The following TMEM178B variants were observed in gnomAD, a reference collection of about 807,000 sequenced individuals.
TMEM178B encodes transmembrane protein 178B.
Under a neutral mutation model 31.0 loss-of-function variants are expected in TMEM178B, and 5 were observed. The ratio of observed to expected loss-of-function variants is 0.16; its 90% CI spans 0.08 to 0.34. The LOEUF is 0.34. Among genes scored for constraint, TMEM178B ranks in the 10% least tolerant of loss-of-function variants. The pLI, the probability that TMEM178B is intolerant of heterozygous loss-of-function variation, is 1.00. For synonymous variants in TMEM178B, 164 were observed against 164.0 expected, an observed-to-expected ratio of 1.00 and a Z score of 0.00; for missense variants, 275 against 400.3, an observed-to-expected ratio of 0.69 and a Z score of 2.67.
intron 2 of TMEM178B, among the ~76,000 whole-genome samples, chr7:141,366,320 A>G (rs1800003959): frequency 6.6e-6 from 1 of 152,124 alleles, no homozygotes; most frequent in South Asian, 2.1e-4. Flanking sequence ...CTCGAAAGGG[A>G]AATGAATGTT....
At chr7:141,455,470 C>A (rs1203876752) in intron 3 of TMEM178B, among the ~76,000 whole-genome samples, 1 of 152,160 alleles carries the variant, frequency 6.6e-6, no homozygotes, top group African/African-American at 2.4e-5. Flanking sequence ...AATTTCAGTG[C>A]AACTGGAGAG....
intron 3 of TMEM178B, among the ~76,000 whole-genome samples, chr7:141,468,418 C>T (rs561316371): frequency 2.6e-5 from 4 of 152,316 alleles, no homozygotes; most frequent in African/African-American, 4.8e-5. Flanking sequence ...AAGTGACCCA[C>T]TTTGCCTGGC....
At chr7:141,077,832 C>T in intron 1 of TMEM178B, among the ~76,000 whole-genome samples, 1 of 152,122 alleles carries the variant, frequency 6.6e-6, no homozygotes, top group East Asian at 1.9e-4. Flanking sequence ...GCTGTCAGGC[C>T]AGGTCAATAT....
chr7:141,255,715 T>A (rs1037741749), intron 2 of TMEM178B, among the ~76,000 whole-genome samples: 3 of 152,112 alleles, frequency 2.0e-5, no homozygotes, highest in South Asian at 2.1e-4. Context: ...CTGGATATTG[T>A]CCCCGACCCC....
intron 2 of TMEM178B, among the ~76,000 whole-genome samples, chr7:141,339,381 C>T (rs947421087): frequency 2.0e-5 from 3 of 152,136 alleles, no homozygotes; most frequent in Admixed American, 6.5e-5. Flanking sequence ...GCATGTGGAG[C>T]TCAGCAGTTG....
chr7:141,241,940 G>A (rs1797629969), intron 2 of TMEM178B, among the ~76,000 whole-genome samples: 2 of 152,124 alleles, frequency 1.3e-5, no homozygotes, highest in Middle Eastern at 3.4e-3. Flanking sequence ...AAAATCTGGT[G>A]TACTTAAAAC....
rs1484232058 is a variant in TMEM178B, at chr7:141,344,572, C to CAT, written c.497-93036_497-93035insAT. 5.7e-5 allele frequency among the ~76,000 whole-genome samples: 8 copies of CAT among 139,136 alleles called. No individual in the cohort carries two copies. The highest frequency in any genetic ancestry group is 4.8e-4 in the South Asian group (2 of 4,180). 91.3% of individuals were successfully genotyped at this position (139,136 alleles called of 152,430 possible). On this transcript the variant is annotated intron_variant, in intron 2 of 3. Coordinates refer to ENST00000565468, the MANE Select transcript of TMEM178B (RefSeq NM_001195278.2). This position sits in a 1 kb window ranked among gnomAD's most constrained non-coding sequence, Gnocchi z 4.1. ...CCCTCCCTCCCTCCATTCCTCCCTC[C>CAT]TCCCTTCCTTCCTTCCTTCCTTCCT...
the TMEM178B span, among the ~76,000 whole-genome samples, chr7:141,489,612 C>T: frequency 6.6e-6 from 1 of 152,024 alleles, no homozygotes; most frequent in African/African-American, 2.4e-5. Context: ...TCATTCTCTC[C>T]CCAGTCCCTT....
At chr7:141,499,266 A>G in the TMEM178B span, among the ~76,000 whole-genome samples, 1 of 152,122 alleles carries the variant, frequency 6.6e-6, no homozygotes, top group East Asian at 1.9e-4. Flanking sequence ...TGATTACCCA[A>G]TATGAAGGGG....
intron 2 of TMEM178B, among the ~76,000 whole-genome samples, chr7:141,324,231 A>T (rs1456530699): frequency 6.6e-6 from 1 of 152,092 alleles, no homozygotes; most frequent in Non-Finnish European, 1.5e-5. Context: ...GCCTGAAGAC[A>T]GGGCAAACTC....
At chr7:141,312,227 A>G (rs371539549) in intron 2 of TMEM178B, among the ~76,000 whole-genome samples, 2 of 152,242 alleles carry the variant, frequency 1.3e-5, no homozygotes, top group African/African-American at 2.4e-5. Flanking sequence ...CTCAGATTCA[A>G]CATGGTCTGA....
intron 2 of TMEM178B, among the ~76,000 whole-genome samples, chr7:141,286,231 A>G (rs1012452898): frequency 6.6e-6 from 1 of 152,212 alleles, no homozygotes; most frequent in African/African-American, 2.4e-5. Context: ...TTTTTACTTT[A>G]TACTCCTAAA....
chr7:141,283,898 G>C (rs953747233), intron 2 of TMEM178B, among the ~76,000 whole-genome samples: 1 of 152,206 alleles, frequency 6.6e-6, no homozygotes, highest in African/African-American at 2.4e-5. Flanking sequence ...AGCTGAGAGG[G>C]ACCTGGCAGC....
chr7:141,125,848 G>A (rs996996712), intron 1 of TMEM178B, among the ~76,000 whole-genome samples: 3 of 152,212 alleles, frequency 2.0e-5, no homozygotes, highest in East Asian at 1.9e-4. Context: ...GGTACTGGAA[G>A]TGCAGGAAAT....
chr7:141,367,987 G>C (rs1563163515), intron 2 of TMEM178B, among the ~76,000 whole-genome samples: 1 of 152,198 alleles, frequency 6.6e-6, no homozygotes, highest in Non-Finnish European at 1.5e-5. Flanking sequence ...AGGAGGCAGA[G>C]GCCATGCTTA....
chr7:141,377,942 G>A (rs980526728), intron 2 of TMEM178B, among the ~76,000 whole-genome samples: 3 of 151,996 alleles, frequency 2.0e-5, no homozygotes, highest in Admixed American at 6.6e-5. Flanking sequence ...ATTACCATTG[G>A]TACATTATTA....
chr7:141,369,297 C>G (rs1051035658), intron 2 of TMEM178B, among the ~76,000 whole-genome samples: 5 of 151,452 alleles, frequency 3.3e-5, no homozygotes, highest in African/African-American at 1.2e-4. Context: ...CTCTCTTTCT[C>G]TCTGTCTCTC....
At chr7:141,284,691 G>T (rs971797757) in intron 2 of TMEM178B, among the ~76,000 whole-genome samples, 1 of 152,138 alleles carries the variant, frequency 6.6e-6, no homozygotes, top group Non-Finnish European at 1.5e-5. Flanking sequence ...ACAATACAAG[G>T]CATAATATGG....
At chr7:141,286,726 G>A in intron 2 of TMEM178B, among the ~76,000 whole-genome samples, 1 of 152,216 alleles carries the variant, frequency 6.6e-6, no homozygotes, top group Non-Finnish European at 1.5e-5. Context: ...GCCAGCACTA[G>A]AAAGAAGAAT....
Sources: gnomAD v4.1 joint callset for allele counts (sites outside exome capture counted in the v4.1 genomes callset) on GRCh38, gnomAD v4.1.1 for gene constraint, Gnocchi (gnomAD v3.1) non-coding constraint, MANE v1.5 for transcripts, NCBI Gene and HGNC (gene_info 2026-07-23, HGNC 2026-07-21) for gene names.